CDH6: variants seen among roughly 807,000 people sequenced by gnomAD.
The protein encoded by CDH6 is cadherin-6.
In CDH6, 31 loss-of-function variants were observed where a neutral mutation model predicts 78.0. The observed-to-expected ratio is 0.40, with a 90% CI of 0.30 to 0.54. The LOEUF (loss-of-function observed/expected upper bound fraction) is 0.54, where lower values mean the gene tolerates loss of function less well. Ranked by LOEUF, CDH6 falls within the 20% of genes least tolerant of loss-of-function variation. The pLI, the probability that CDH6 is intolerant of heterozygous loss-of-function variation, is 0.56. For missense variants in CDH6, 724 were observed against 975.9 expected (o/e 0.74, Z 3.44); for synonymous variants, 376 against 368.8 (o/e 1.02, Z -0.23).
intron 1 of CDH6, among the ~76,000 whole-genome samples, chr5:31,238,253 C>A (rs999204283): frequency 2.6e-5 from 4 of 152,184 alleles, no homozygotes; most frequent in Non-Finnish European, 4.4e-5. Flanking sequence ...TTCTATTGTG[C>A]ATTTTAAGTG....
intron 7 of CDH6, among the ~76,000 whole-genome samples, chr5:31,307,418 T>A (rs1738019691): frequency 6.6e-6 from 1 of 152,200 alleles, no homozygotes; most frequent in African/African-American, 2.4e-5. Flanking sequence ...CAGGGAACAA[T>A]TTTAAATCAC....
chr5:31,197,123 T>C (rs894595039), intron 1 of CDH6, among the ~76,000 whole-genome samples: 6 of 152,356 alleles, frequency 3.9e-5, no homozygotes, highest in Middle Eastern at 6.8e-3. Flanking sequence ...AAAAGCTGTT[T>C]AGATACCTGT....
chr5:31,225,906 A>G (rs918244088), intron 1 of CDH6, among the ~76,000 whole-genome samples: 2 of 152,142 alleles, frequency 1.3e-5, no homozygotes, highest in East Asian at 3.9e-4. Flanking sequence ...ACTCTCCTAA[A>G]ATTGCGTAGC....
chr5:31,323,174 G>A lies in CDH6; in HGVS notation c.2239G>A (p.Ala747Thr). 6.2e-7 allele frequency: 1 copy of A among 1,614,168 alleles called. No homozygotes were observed. Among genetic ancestry groups the A allele is most frequent in the Non-Finnish European group, 8.5e-7 (1 of 1,180,016 alleles). ...TYAYEGTGSV[A>T]DSLSSLESVT... ...CGCCTATGAAGGCACTGGCTCCGTG[G>A]CGGATTCCCTGAGCTCGCTGGAGTC... Residue 747 changes from alanine to threonine, a missense_variant, in exon 12 of 12, where the codon GCG (alanine) becomes ACG (threonine). By Grantham distance (58) the Ala-to-Thr change is moderately conservative. Coordinates refer to ENST00000265071, the MANE Select transcript of CDH6 (RefSeq NM_004932.4).
chr5:31,297,444 AT>A (rs746918773), intron 4 of CDH6, 36 bp downstream of exon 4: 2 of 1,497,682 alleles, frequency 1.3e-6, no homozygotes, highest in Non-Finnish European at 1.8e-6. Flanking sequence ...ATAATCTATA[AT>A]TTTAATTGAC....
chr5:31,302,049 T>G, intron 5 of CDH6, 62 bp from the exon 6 acceptor site: 1 of 1,165,482 alleles, frequency 8.6e-7, no homozygotes, highest in South Asian at 1.8e-5. Flanking sequence ...TAGGTTTTGT[T>G]TTTATGATGA....
chr5:31,273,717 T>TA (rs1265249083), intron 2 of CDH6, among the ~76,000 whole-genome samples: 1 of 149,622 alleles, frequency 6.7e-6, no homozygotes, highest in Non-Finnish European at 1.5e-5. Context: ...ATCTATTGTG[T>TA]GAAACCCAAA....
intron 1 of CDH6, among the ~76,000 whole-genome samples, chr5:31,247,597 T>G (rs981525657): frequency 3.3e-5 from 5 of 152,322 alleles, no homozygotes; most frequent in Non-Finnish European, 7.4e-5. Context: ...GCCAAAGTCA[T>G]TTTTCTTTAG....
At chr5:31,226,683 A>G (rs926100839) in intron 1 of CDH6, among the ~76,000 whole-genome samples, 1 of 152,094 alleles carries the variant, frequency 6.6e-6, no homozygotes. Context: ...CCTCCTTCCT[A>G]CCAACACGAG....
chr5:31,277,483 C>T (rs375725456), intron 2 of CDH6, among the ~76,000 whole-genome samples: 7 of 152,176 alleles, frequency 4.6e-5, no homozygotes, highest in East Asian at 3.9e-4. Context: ...ATAATTGAAC[C>T]AAAGTTTTAT....
Position 31,326,853 on chromosome 5 carries a change from G to C in CDH6, c.*3545G>C, listed in dbSNP as rs1161132071. 1 of 157,448 alleles carries C rather than the reference G, an allele frequency of 6.4e-6. No individual in the cohort carries two copies. The highest frequency in any genetic ancestry group is 1.4e-5 in the Non-Finnish European group (1 of 71,414). 9.8% of individuals were successfully genotyped at this position (157,448 alleles called of 1,614,324 possible). A position where few individuals can be genotyped will look rare whatever the true frequency, so the allele number is the denominator to read the frequency against. On this transcript the variant is annotated 3_prime_UTR_variant, in exon 12 of 12. Coordinates refer to ENST00000265071, the MANE Select transcript of CDH6 (RefSeq NM_004932.4). ...ACTACAGGCACACACCACCACGCCC[G>C]GCTAATTTTTGTTGTATTTTTTAGT...
At chr5:31,289,876 G>A (rs571176500) in intron 2 of CDH6, among the ~76,000 whole-genome samples, 1 of 152,124 alleles carries the variant, frequency 6.6e-6, no homozygotes, top group East Asian at 1.9e-4. Context: ...CACCCAGCAG[G>A]CAAAGATGCT....
chr5:31,237,395 G>T (rs115478306), intron 1 of CDH6, among the ~76,000 whole-genome samples: 1 of 152,026 alleles, frequency 6.6e-6, no homozygotes, highest in Admixed American at 6.6e-5. Context: ...TTTGAACCAC[G>T]CTATCCACAA....
intron 1 of CDH6, among the ~76,000 whole-genome samples, chr5:31,225,853 G>A (rs1405317654): frequency 6.6e-6 from 1 of 152,212 alleles, no homozygotes; most frequent in African/African-American, 2.4e-5. Flanking sequence ...TTTCCCCACA[G>A]AGTATTGTGG....
At chr5:31,236,546 G>C (rs1741459378) in intron 1 of CDH6, among the ~76,000 whole-genome samples, 1 of 152,102 alleles carries the variant, frequency 6.6e-6, no homozygotes, top group Non-Finnish European at 1.5e-5. Flanking sequence ...GCACACCTTT[G>C]TTGCCACGTG....
chr5:31,290,216 C>T (rs1216184189), intron 2 of CDH6, among the ~76,000 whole-genome samples: 1 of 152,150 alleles, frequency 6.6e-6, no homozygotes, highest in African/African-American at 2.4e-5. Context: ...GCCGAGATCG[C>T]ACCACTGCAC....
chr5:31,230,313 T>C (rs2111851120), intron 1 of CDH6, among the ~76,000 whole-genome samples: 1 of 152,312 alleles, frequency 6.6e-6, no homozygotes, highest in East Asian at 1.9e-4. Context: ...GAGAACTCAC[T>C]AGGGGATCAT....
chr5:31,222,507 C>CTTAATATG (rs1454710469), intron 1 of CDH6, among the ~76,000 whole-genome samples: 1 of 152,016 alleles, frequency 6.6e-6, no homozygotes, highest in Non-Finnish European at 1.5e-5. Context: ...TTAAATCGAG[C>CTTAATATG]TTAATATGAA....
intron 1 of CDH6, among the ~76,000 whole-genome samples, chr5:31,258,624 C>G (rs1025223032): frequency 6.6e-6 from 1 of 151,718 alleles, no homozygotes; most frequent in Admixed American, 6.6e-5. Flanking sequence ...TACCCCAGAA[C>G]TTAAAGTATA....
Sources: allele counts gnomAD v4.1 joint callset (sites outside exome capture counted in the v4.1 genomes callset), GRCh38; gene constraint gnomAD v4.1.1; transcripts MANE v1.5; gene names NCBI Gene and HGNC (gene_info 2026-07-23, HGNC 2026-07-21).